Variants in CSMD1 observed in about 807,000 individuals in gnomAD.
CSMD1 encodes the protein CUB and sushi domain-containing protein 1.
Under a neutral mutation model 417.5 loss-of-function variants are expected in CSMD1, and 213 were observed. The ratio of observed to expected loss-of-function variants is 0.51; its 90% confidence interval spans 0.46 to 0.57. CSMD1 has a LOEUF of 0.57. CSMD1 is among the 20% of genes least tolerant of loss of function. The pLI is 0.00. For missense variants in CSMD1, 6,923 were observed against 4,529.7 expected (o/e 1.53, Z -15.17); for synonymous variants, 2,862 against 1,736.8 (o/e 1.65, Z -16.11).
At chr8:4,579,644 G>A (rs1019096207) in intron 2 of CSMD1, among the ~76,000 whole-genome samples, 1 of 152,074 alleles carries the variant, frequency 6.6e-6, no homozygotes, top group Non-Finnish European at 1.5e-5. Flanking sequence ...TTACAGGTGT[G>A]AGCCATCATG....
intron 1 of CSMD1, among the ~76,000 whole-genome samples, chr8:4,724,453 T>A (rs2116924528): frequency 6.6e-6 from 1 of 152,084 alleles, no homozygotes; most frequent in East Asian, 1.9e-4. Flanking sequence ...ATATAATATT[T>A]ACATTACTTA....
rs114895179 is a variant in CSMD1 at position 4,209,709 on chromosome 8, T to C, written c.416-177610A>G. Among the ~76,000 whole-genome samples the C allele has an allele frequency of 5.5e-3, 832 of 152,258 alleles. 12 individuals are homozygous for C. Among genetic ancestry groups the C allele is most frequent in the African/African-American group, 0.019 (784 of 41,540 alleles). On this transcript the variant is annotated intron_variant, in intron 3 of 69. Coordinates refer to ENST00000635120, the MANE Select transcript of CSMD1 (RefSeq NM_033225.6). ...AGCCAGTGGTGTCACACAGCAACTTTTATTGACTGAAGCAGCACCAGATGT... is the reference window on the plus strand; with the variant it reads ...AGCCAGTGGTGTCACACAGCAACTTCTATTGACTGAAGCAGCACCAGATGT...
intron 33 of CSMD1, among the ~76,000 whole-genome samples, chr8:3,193,937 A>C (rs537217261): frequency 6.6e-6 from 1 of 152,310 alleles, no homozygotes; most frequent in Non-Finnish European, 1.5e-5. Context: ...TGAAAACCAC[A>C]ACAACAATCA....
At chr8:3,842,771 G>C (rs908558094) in intron 5 of CSMD1, among the ~76,000 whole-genome samples, 8 of 152,078 alleles carry the variant, frequency 5.3e-5, no homozygotes, top group Admixed American at 2.6e-4. Flanking sequence ...GTTAATATTT[G>C]ATTTCAAAAC....
chr8:3,049,523 G>C (rs1811674135), intron 50 of CSMD1, among the ~76,000 whole-genome samples: 1 of 152,094 alleles, frequency 6.6e-6, no homozygotes, highest in African/African-American at 2.4e-5. Flanking sequence ...TGACATTCTA[G>C]TAAAGGTAAA....
At chr8:3,678,952 A>C (rs1459949341) in intron 7 of CSMD1, among the ~76,000 whole-genome samples, 1 of 152,090 alleles carries the variant, frequency 6.6e-6, no homozygotes, top group Non-Finnish European at 1.5e-5. Flanking sequence ...TCATAAGTGA[A>C]GAAATAAAAT....
intron 5 of CSMD1, among the ~76,000 whole-genome samples, chr8:3,987,675 G>C (rs954107838): frequency 6.6e-6 from 1 of 152,162 alleles, no homozygotes; most frequent in African/African-American, 2.4e-5. Flanking sequence ...CCCAGACAGA[G>C]AAAATGGATT....
intron 1 of CSMD1, among the ~76,000 whole-genome samples, chr8:4,656,624 T>C (rs1428981284): frequency 2.0e-5 from 3 of 151,384 alleles, no homozygotes; most frequent in African/African-American, 7.4e-5. Flanking sequence ...CCAACAAAGG[T>C]GGTGACTAAT....
chr8:3,146,795 C>T (rs924746225), intron 40 of CSMD1, among the ~76,000 whole-genome samples: 17 of 152,132 alleles, frequency 1.1e-4, no homozygotes, highest in Admixed American at 9.2e-4. Context: ...ACCAGTTAAT[C>T]GCTTTTGCTT....
At chr8:3,771,204 T>C (rs991006460) in intron 5 of CSMD1, among the ~76,000 whole-genome samples, 2 of 152,114 alleles carry the variant, frequency 1.3e-5, no homozygotes, top group Non-Finnish European at 2.9e-5. Flanking sequence ...CTACTCTTTT[T>C]GGGGCCAGCT....
At chr8:4,376,025 G>T (rs553241759) in intron 3 of CSMD1, among the ~76,000 whole-genome samples, 6 of 152,112 alleles carry the variant, frequency 3.9e-5, no homozygotes, top group Non-Finnish European at 5.9e-5. Context: ...GGTGGAAAAT[G>T]CCCGTCTTTA....
At chr8:4,638,171 G>A (rs1252467699) in intron 1 of CSMD1, among the ~76,000 whole-genome samples, 1 of 152,064 alleles carries the variant, frequency 6.6e-6, no homozygotes, top group Non-Finnish European at 1.5e-5. Context: ...TCAGTTCATG[G>A]GGGAACAAAT....
chr8:3,662,914 G>T (rs1563247313), intron 7 of CSMD1, among the ~76,000 whole-genome samples: 1 of 152,094 alleles, frequency 6.6e-6, no homozygotes, highest in Non-Finnish European at 1.5e-5. Context: ...TAGATGATGG[G>T]TTGATAGGTG....
intron 8 of CSMD1, among the ~76,000 whole-genome samples, chr8:3,595,271 G>A (rs1473843045): frequency 1.3e-5 from 2 of 152,196 alleles, no homozygotes; most frequent in African/African-American, 2.4e-5. Context: ...ATGTCCCATT[G>A]TGTGACTTGC....
chr8:4,361,656 G>T (rs1021180996), intron 3 of CSMD1, among the ~76,000 whole-genome samples: 1 of 152,018 alleles, frequency 6.6e-6, no homozygotes, highest in African/African-American at 2.4e-5. Context: ...CCTTAAAGAA[G>T]TTTCCTATCA....
intron 18 of CSMD1, among the ~76,000 whole-genome samples, chr8:3,372,567 C>T (rs570377241): frequency 6.6e-6 from 1 of 152,224 alleles, no homozygotes; most frequent in African/African-American, 2.4e-5. Context: ...GTGGGACTTT[C>T]TCCTGAATGG....
chr8:3,801,067 C>A (rs1308519562), intron 5 of CSMD1, among the ~76,000 whole-genome samples: 2 of 151,518 alleles, frequency 1.3e-5, no homozygotes, highest in East Asian at 1.9e-4. Flanking sequence ...GCCATGCTTC[C>A]CTTGATATGA....
chr8:4,147,640 A>C (rs757112521), intron 3 of CSMD1, among the ~76,000 whole-genome samples: 12 of 152,130 alleles, frequency 7.9e-5, no homozygotes, highest in African/African-American at 1.2e-4. Flanking sequence ...TAGTGCATGA[A>C]GGTTACTCTG....
At chr8:4,284,239 G>C (rs966170012) in intron 3 of CSMD1, among the ~76,000 whole-genome samples, 15 of 152,098 alleles carry the variant, frequency 9.9e-5, no homozygotes, top group Non-Finnish European at 8.8e-5. Context: ...GTGGTGGCAC[G>C]TGCCTGTAAT....
Sources: allele counts gnomAD v4.1 joint callset (sites outside exome capture counted in the v4.1 genomes callset), GRCh38; gene constraint gnomAD v4.1.1; transcripts MANE v1.5; gene names NCBI Gene and HGNC (gene_info 2026-07-23, HGNC 2026-07-21).